Variants in VPS54 observed in about 807,000 individuals in gnomAD.
VPS54 encodes VPS54 subunit of GARP complex, also known as vacuolar protein sorting-associated protein 54.
VPS54 carries 45 observed loss-of-function variants against 121.5 expected under a neutral mutation model. The observed-to-expected ratio is 0.37, with a 90% CI of 0.29 to 0.47. VPS54 has a LOEUF of 0.47. Among genes scored for constraint, VPS54 ranks in the 20% least tolerant of loss-of-function variants. The probability of loss-of-function intolerance (pLI) is 0.99; values close to 1 mark genes in which losing one functional copy is unlikely to be tolerated. For synonymous variants in VPS54, 371 were observed against 385.8 expected (o/e 0.96, Z 0.45); for missense variants, 1,090 against 1,131.4 (o/e 0.96, Z 0.52).
intron 12 of VPS54, among the ~76,000 whole-genome samples, chr2:63,931,930 G>A (rs1397062845): frequency 1.3e-5 from 2 of 152,204 alleles, no homozygotes; most frequent in Admixed American, 6.5e-5. Flanking sequence ...GGTCATTAGA[G>A]AAATGCAAAT....
chr2:64,008,532 A>AT (rs1489460971), intron 1 of VPS54, among the ~76,000 whole-genome samples: 2 of 152,160 alleles, frequency 1.3e-5, no homozygotes, highest in African/African-American at 4.8e-5. Flanking sequence ...AAGAAAGAAT[A>AT]TCAAGCCCAG....
chr2:63,936,276 C>T (rs935544440), intron 11 of VPS54, among the ~76,000 whole-genome samples: 5 of 152,112 alleles, frequency 3.3e-5, no homozygotes, highest in Non-Finnish European at 7.4e-5. Context: ...TAAAGATTTG[C>T]TGATTATTTT....
chr2:63,917,745 T>C (rs921985793), intron 15 of VPS54, among the ~76,000 whole-genome samples: 1 of 151,990 alleles, frequency 6.6e-6, no homozygotes, highest in Non-Finnish European at 1.5e-5. Context: ...ATCACTTCTC[T>C]ATATTACAGA....
intron 2 of VPS54, among the ~76,000 whole-genome samples, chr2:63,982,877 G>GC (rs1440957307): frequency 8.5e-5 from 13 of 152,200 alleles, no homozygotes; most frequent in Admixed American, 4.6e-4. Flanking sequence ...AGCTGGGAAT[G>GC]CATGTGTCAG....
chr2:63,974,412 C>T (rs576877707), intron 3 of VPS54, among the ~76,000 whole-genome samples: 19 of 152,246 alleles, frequency 1.2e-4, no homozygotes, highest in African/African-American at 3.9e-4. Flanking sequence ...TCTTTTAATA[C>T]TGTGTTAGCT....
chr2:63,972,434 T>C (rs1471491400), intron 3 of VPS54, among the ~76,000 whole-genome samples, 190 bp from the exon 4 acceptor site: 1 of 152,222 alleles, frequency 6.6e-6, no homozygotes, highest in Admixed American at 6.5e-5. Flanking sequence ...ATGAGATCTA[T>C]GCACATCTAT....
chr2:63,894,656 T>A (rs1193495615), intron 22 of VPS54, among the ~76,000 whole-genome samples: 1 of 150,202 alleles, frequency 6.7e-6, no homozygotes, highest in African/African-American at 2.5e-5. Context: ...TGAGCCATGA[T>A]CACACCACTG....
intron 1 of VPS54, among the ~76,000 whole-genome samples, chr2:64,010,116 A>G (rs1369279805): frequency 6.6e-6 from 1 of 152,200 alleles, no homozygotes; most frequent in Non-Finnish European, 1.5e-5. Context: ...TGCTGGCATT[A>G]CAGGCGTGAG....
intron 16 of VPS54, 97 bp downstream of exon 16, chr2:63,916,803 C>G: frequency 8.4e-7 from 1 of 1,189,748 alleles, no homozygotes; most frequent in Admixed American, 1.8e-5. Flanking sequence ...ACTGTTAAAA[C>G]TGTTAATCCA....
chr2:63,897,428 A>G, intron 22 of VPS54, 68 bp downstream of exon 22: 1 of 1,142,044 alleles, frequency 8.8e-7, no homozygotes, highest in Non-Finnish European at 1.3e-6. Flanking sequence ...GGATGGCACA[A>G]ATAATCAAAA....
intron 6 of VPS54, among the ~76,000 whole-genome samples, chr2:63,963,054 A>C (rs2104563496): frequency 6.6e-6 from 1 of 152,292 alleles, no homozygotes; most frequent in South Asian, 2.1e-4. Flanking sequence ...CTATTATACC[A>C]TTCTGCCTCA....
intron 12 of VPS54, among the ~76,000 whole-genome samples, chr2:63,927,741 T>C (rs67962955): frequency 0.18 from 27,033 of 152,042 alleles, 3,205 homozygotes; most frequent in Non-Finnish European, 0.24. Context: ...TTCTAGCCCA[T>C]TGCAAGGGAG....
intron 12 of VPS54, among the ~76,000 whole-genome samples, chr2:63,925,696 G>C (rs755817357): frequency 2.0e-5 from 3 of 152,202 alleles, no homozygotes; most frequent in Non-Finnish European, 4.4e-5. Flanking sequence ...AACCTGGATA[G>C]ATATCACAAC....
chr2:63,989,888 C>T lies in VPS54; in HGVS notation c.-20-5869G>A, dbSNP rs143867300. Among the ~76,000 whole-genome samples, 543 of 152,100 alleles carry T rather than the reference C, an allele frequency of 3.6e-3. 4 individuals are homozygous for T. The highest frequency in any genetic ancestry group is 0.012 in the African/African-American group (505 of 41,478). On this transcript the variant is annotated intron_variant, in intron 1 of 22. Coordinates refer to ENST00000272322, the MANE Select transcript of VPS54 (RefSeq NM_016516.3). Reference sequence around the variant, plus strand: ...GGACCTGTTAAAACAGGGAAGGGTCCGAGTAACCATGGAAAATATGGTCAC... The same window carrying T: ...GGACCTGTTAAAACAGGGAAGGGTCTGAGTAACCATGGAAAATATGGTCAC...
chr2:63,913,853 G>T, intron 17 of VPS54: 1 of 1,087,046 alleles, frequency 9.2e-7, no homozygotes, highest in Non-Finnish European at 1.1e-6. Context: ...GTAAAGTTCA[G>T]TGAATTCCTT....
At chr2:63,966,315 T>G (rs900064387) in intron 5 of VPS54, among the ~76,000 whole-genome samples, 9 of 152,242 alleles carry the variant, frequency 5.9e-5, no homozygotes, top group African/African-American at 2.2e-4. Context: ...ACTGATAGTT[T>G]TTTAAAATGC....
At chr2:63,976,120 C>T (rs1048889066) in intron 3 of VPS54, among the ~76,000 whole-genome samples, 1 of 152,056 alleles carries the variant, frequency 6.6e-6, no homozygotes, top group Non-Finnish European at 1.5e-5. Context: ...CACGGGCAGA[C>T]TGCTTGAATT....
At chr2:64,000,890 G>GT (rs1466018023) in intron 1 of VPS54, among the ~76,000 whole-genome samples, 1 of 152,180 alleles carries the variant, frequency 6.6e-6, no homozygotes, top group African/African-American at 2.4e-5. Context: ...TACCGCCTAT[G>GT]TTTGTTCAAG....
intron 12 of VPS54, among the ~76,000 whole-genome samples, chr2:63,925,500 T>C (rs1277626729): frequency 2.0e-5 from 3 of 152,248 alleles, no homozygotes; most frequent in Non-Finnish European, 2.9e-5. Flanking sequence ...ACATACTTTG[T>C]TTCCAGGTAT....
Sources: gnomAD v4.1 joint callset for allele counts (sites outside exome capture counted in the v4.1 genomes callset) on GRCh38, gnomAD v4.1.1 for gene constraint, MANE v1.5 for transcripts, NCBI Gene and HGNC (gene_info 2026-07-23, HGNC 2026-07-21) for gene names.